DPP10: variants seen among roughly 807,000 people sequenced by gnomAD.
The protein encoded by DPP10 is inactive dipeptidyl peptidase 10.
DPP10 carries 33 observed loss-of-function variants against 120.9 expected under a neutral mutation model. The observed-to-expected ratio is 0.27, with a 90% confidence interval of 0.21 to 0.37. DPP10 has a LOEUF of 0.37. Among genes scored for constraint, DPP10 ranks in the 10% least tolerant of loss-of-function variants. DPP10 has a pLI of 1.00. For synonymous variants in DPP10, 337 were observed against 326.1 expected (o/e 1.03, Z -0.36); for missense variants, 816 against 942.8 (o/e 0.87, Z 1.76).
intron 1 of DPP10, among the ~76,000 whole-genome samples, chr2:114,526,282 A>T (rs1685489982): frequency 6.6e-6 from 1 of 152,206 alleles, no homozygotes. Flanking sequence ...TCAATCAGAA[A>T]ATATGGGCTC....
intron 3 of DPP10, among the ~76,000 whole-genome samples, chr2:115,396,113 A>G (rs1294518925): frequency 1.3e-5 from 2 of 152,118 alleles, no homozygotes; most frequent in African/African-American, 4.8e-5. Flanking sequence ...TTGGATGTTT[A>G]AGATCACATT....
chr2:115,219,840 TG>T (rs1275247706), intron 1 of DPP10, among the ~76,000 whole-genome samples: 1 of 152,184 alleles, frequency 6.6e-6, no homozygotes, highest in Non-Finnish European at 1.5e-5. Flanking sequence ...AGTACTATCT[TG>T]CCTGGCTTTT....
chr2:115,149,079 A>G (rs1267962250), intron 1 of DPP10, among the ~76,000 whole-genome samples: 3 of 152,128 alleles, frequency 2.0e-5, no homozygotes, highest in Non-Finnish European at 4.4e-5. Flanking sequence ...GGATTTGATG[A>G]GTATATTGAT....
intron 5 of DPP10, among the ~76,000 whole-genome samples, chr2:115,655,884 G>A (rs2088270526): frequency 6.6e-6 from 1 of 151,478 alleles, no homozygotes; most frequent in Non-Finnish European, 1.5e-5. Context: ...AAGGAGCTTT[G>A]GCAATTGGGT....
intron 3 of DPP10, among the ~76,000 whole-genome samples, chr2:115,372,325 C>A (rs1159621773): frequency 6.6e-6 from 1 of 151,870 alleles, no homozygotes; most frequent in Non-Finnish European, 1.5e-5. Flanking sequence ...TTTTTAATTG[C>A]AAGTCTGTTT....
chr2:115,429,428 A>C (rs970321360), intron 3 of DPP10, among the ~76,000 whole-genome samples: 6 of 152,172 alleles, frequency 3.9e-5, no homozygotes, highest in Admixed American at 1.3e-4. Flanking sequence ...ATCTTAAAAC[A>C]GAGTGGTAAT....
At chr2:115,420,477 A>C (rs2069839485) in intron 3 of DPP10, among the ~76,000 whole-genome samples, 1 of 152,088 alleles carries the variant, frequency 6.6e-6, no homozygotes, top group Admixed American at 6.6e-5. Flanking sequence ...TATGGCTCAA[A>C]AACTATGCTG....
At chr2:115,039,613 G>A (rs1172340947) in intron 1 of DPP10, among the ~76,000 whole-genome samples, 2 of 152,038 alleles carry the variant, frequency 1.3e-5, no homozygotes, top group Non-Finnish European at 2.9e-5. Context: ...TTCTTGCAGA[G>A]CAGGTGCATT....
intron 8 of DPP10, among the ~76,000 whole-genome samples, chr2:115,730,505 C>T (rs1165761078): frequency 6.6e-6 from 1 of 152,140 alleles, no homozygotes; most frequent in East Asian, 1.9e-4. Context: ...TGGTCTGTAA[C>T]GTCGATGAAG....
chr2:114,471,538 A>G (rs1360290296), intron 1 of DPP10, among the ~76,000 whole-genome samples: 1 of 152,196 alleles, frequency 6.6e-6, no homozygotes, highest in Non-Finnish European at 1.5e-5. Flanking sequence ...CAGGAATGCT[A>G]AAATATTTTT....
chr2:114,551,735 G>T (rs1294244704), intron 1 of DPP10, among the ~76,000 whole-genome samples: 1 of 152,140 alleles, frequency 6.6e-6, no homozygotes, highest in Non-Finnish European at 1.5e-5. Flanking sequence ...TATCAGTAGG[G>T]CATCTGTGCA....
At chr2:114,621,350 G>A (rs1694077430) in intron 1 of DPP10, among the ~76,000 whole-genome samples, 2 of 152,120 alleles carry the variant, frequency 1.3e-5, no homozygotes, top group Admixed American at 1.3e-4. Flanking sequence ...TCTCAACTGT[G>A]TTTCTTGCAC....
intron 19 of DPP10, among the ~76,000 whole-genome samples, chr2:115,791,584 C>T (rs1254783377): frequency 6.6e-6 from 1 of 152,132 alleles, no homozygotes; most frequent in Non-Finnish European, 1.5e-5. Flanking sequence ...GTGCTACTGC[C>T]AGGAATAGTG....
chr2:115,097,973 A>G (rs1411054671), intron 1 of DPP10, among the ~76,000 whole-genome samples: 1 of 152,186 alleles, frequency 6.6e-6, no homozygotes, highest in Non-Finnish European at 1.5e-5. Flanking sequence ...AGTGGGGTGA[A>G]GGAACCTGGA....
At chr2:114,961,861 G>A (rs2104722882) in intron 1 of DPP10, among the ~76,000 whole-genome samples, 1 of 152,214 alleles carries the variant, frequency 6.6e-6, no homozygotes, top group East Asian at 1.9e-4. Flanking sequence ...GGCTGAGGCA[G>A]GAGAATTGTT....
chr2:114,520,541 A>G (rs533719458), intron 1 of DPP10, among the ~76,000 whole-genome samples: 83 of 152,378 alleles, frequency 5.4e-4, no homozygotes, highest in African/African-American at 1.8e-3. Flanking sequence ...AAAGAGGGCC[A>G]CAATGAAGCA....
chr2:115,649,995 A>G (rs566153611), intron 5 of DPP10, among the ~76,000 whole-genome samples: 1 of 152,108 alleles, frequency 6.6e-6, no homozygotes, highest in African/African-American at 2.4e-5. Flanking sequence ...GTGCCAATTC[A>G]ATGAGTTTTT....
intron 1 of DPP10, among the ~76,000 whole-genome samples, chr2:114,946,169 G>A (rs1014338240): frequency 3.6e-4 from 55 of 152,152 alleles, no homozygotes; most frequent in African/African-American, 1.1e-3. Flanking sequence ...GAAAATCAGC[G>A]TAAAGTATGG....
At chr2:115,480,901 T>A (rs1380583520) in intron 3 of DPP10, among the ~76,000 whole-genome samples, 1 of 152,166 alleles carries the variant, frequency 6.6e-6, no homozygotes, top group Non-Finnish European at 1.5e-5. Context: ...AGCAACAGTT[T>A]AATTCTTGTG....
Sources: gnomAD v4.1 joint callset for allele counts (sites outside exome capture counted in the v4.1 genomes callset) on GRCh38, gnomAD v4.1.1 for gene constraint, MANE v1.5 for transcripts, NCBI Gene and HGNC (gene_info 2026-07-23, HGNC 2026-07-21) for gene names.